Variants in CTIF observed in about 807,000 individuals in gnomAD.
The protein encoded by CTIF is CBP80/20-dependent translation initiation factor.
Under a neutral mutation model 66.0 loss-of-function variants are expected in CTIF, and 21 were observed. The observed-to-expected ratio is 0.32, with a 90% confidence interval of 0.23 to 0.46. CTIF has a LOEUF of 0.46. CTIF is among the 20% of genes least tolerant of loss of function. CTIF has a pLI of 1.00. For synonymous variants in CTIF, 345 were observed against 326.4 expected, an observed-to-expected ratio of 1.06 and a Z score of -0.62; for missense variants, 739 against 812.7, an observed-to-expected ratio of 0.91 and a Z score of 1.10.
chr18:48,736,274 C>CT (rs2092502073), intron 7 of CTIF, among the ~76,000 whole-genome samples: 1 of 152,066 alleles, frequency 6.6e-6, no homozygotes, highest in African/African-American at 2.4e-5. Context: ...AGGTGAAGGG[C>CT]TTGAGTGAAT....
At chr18:48,667,092 C>T (rs982355447) in intron 5 of CTIF, among the ~76,000 whole-genome samples, 11 of 151,558 alleles carry the variant, frequency 7.3e-5, no homozygotes, top group Admixed American at 6.6e-4. Context: ...GACACACACA[C>T]ACACACACAC....
At chr18:48,557,387 C>T (rs561586232) in intron 1 of CTIF, among the ~76,000 whole-genome samples, 1 of 152,170 alleles carries the variant, frequency 6.6e-6, no homozygotes, top group African/African-American at 2.4e-5. Flanking sequence ...AACCAGGAAC[C>T]TTCCCTGGAG....
At chr18:48,839,274 C>T (rs1374378537) in intron 10 of CTIF, among the ~76,000 whole-genome samples, 3 of 152,094 alleles carry the variant, frequency 2.0e-5, no homozygotes, top group Non-Finnish European at 4.4e-5. Flanking sequence ...CTGTGGTGTC[C>T]TTCCCTCTCT....
intron 1 of CTIF, among the ~76,000 whole-genome samples, chr18:48,605,489 G>A (rs568831390): frequency 1.2e-4 from 18 of 152,296 alleles, no homozygotes; most frequent in African/African-American, 3.6e-4. Flanking sequence ...TGCTCCCTGC[G>A]GTTGTATCTG....
At chr18:48,784,501 CT>C (rs1254156448) in intron 9 of CTIF, among the ~76,000 whole-genome samples, 1 of 152,134 alleles carries the variant, frequency 6.6e-6, no homozygotes, top group African/African-American at 2.4e-5. Flanking sequence ...GGACCATACC[CT>C]TTGGTCTCTG....
chr18:48,766,115 C>T (rs1386326714), intron 9 of CTIF, among the ~76,000 whole-genome samples: 1 of 121,010 alleles, frequency 8.3e-6, no homozygotes, highest in Non-Finnish European at 1.6e-5. Flanking sequence ...CCCCCCACCC[C>T]ACAACAAAAC....
chr18:48,572,942 A>G (rs923569508), intron 1 of CTIF, among the ~76,000 whole-genome samples: 4 of 152,176 alleles, frequency 2.6e-5, no homozygotes, highest in Non-Finnish European at 5.9e-5. Flanking sequence ...GCAGTGAGTC[A>G]TGATCATACC....
Position 48,670,116 on chromosome 18 carries a change from C to T in CTIF, c.432-553C>T, listed in dbSNP as rs1014045026. 2.1e-4 allele frequency among the ~76,000 whole-genome samples: 32 copies of T among 151,798 alleles called. 1 individual carries two copies. Among genetic ancestry groups the T allele is most frequent in the Admixed American group, 1.4e-3 (21 of 15,256 alleles). ...TCGGAATCTGCACCCTTAAATATGC[C>T]AAAGATTCAGACCTCTGGCCAGGGA... On this transcript the variant is annotated intron_variant, in intron 5 of 11. Coordinates refer to ENST00000256413, the MANE Select transcript of CTIF (RefSeq NM_014772.3).
chr18:48,750,648 G>T (rs1907712511), intron 7 of CTIF, among the ~76,000 whole-genome samples: 1 of 152,214 alleles, frequency 6.6e-6, no homozygotes, highest in Admixed American at 6.5e-5. Context: ...AGACGCAGTG[G>T]AGCCAAGGCT....
At chr18:48,711,994 A>C (rs991394490) in intron 7 of CTIF, among the ~76,000 whole-genome samples, 16 of 152,260 alleles carry the variant, frequency 1.1e-4, no homozygotes, top group African/African-American at 3.9e-4. Context: ...CAGGAGGAAA[A>C]ATGCTGTTTC....
intron 6 of CTIF, among the ~76,000 whole-genome samples, chr18:48,679,174 C>A (rs1157257983): frequency 6.6e-6 from 1 of 152,246 alleles, no homozygotes; most frequent in African/African-American, 2.4e-5. Context: ...AAGAGCCCTT[C>A]TGCTTTGCAC....
At chr18:48,795,960 A>G (rs944323070) in intron 9 of CTIF, among the ~76,000 whole-genome samples, 2 of 152,172 alleles carry the variant, frequency 1.3e-5, no homozygotes, top group African/African-American at 4.8e-5. Context: ...AGGTCAGGAC[A>G]GGGAAGAGAA....
At chr18:48,544,349 C>T (rs1254766251) in intron 1 of CTIF, among the ~76,000 whole-genome samples, 1 of 152,222 alleles carries the variant, frequency 6.6e-6, no homozygotes, top group Non-Finnish European at 1.5e-5. Context: ...GAAGCTGAGC[C>T]TTCATGGTTA....
chr18:48,680,636 A>C (rs899671981), intron 6 of CTIF, among the ~76,000 whole-genome samples: 3 of 152,222 alleles, frequency 2.0e-5, no homozygotes, highest in Admixed American at 1.3e-4. Context: ...CCTGTCCTTC[A>C]GCAGTTTCCA....
At position 48,687,606 on chromosome 18, in the gene CTIF, C is replaced by T. The variant is rs1157533932; in HGVS notation, c.507+16862C>T. Among the ~76,000 whole-genome samples the T allele has an allele frequency of 3.3e-5, 5 of 152,312 alleles. No homozygotes were observed. In the East Asian group the frequency reaches 5.8e-4, roughly 18 times the overall value. On this transcript the variant is annotated intron_variant, in intron 6 of 11. Coordinates refer to ENST00000256413, the MANE Select transcript of CTIF (RefSeq NM_014772.3). ...GAAAGACTCTTCCTCAGCAAGCCTC[C>T]AGAGCCCTGGGAGCAGGGCTCTTGT...
At chr18:48,785,215 C>T (rs1237152707) in intron 9 of CTIF, among the ~76,000 whole-genome samples, 1 of 152,128 alleles carries the variant, frequency 6.6e-6, no homozygotes, top group African/African-American at 2.4e-5. Flanking sequence ...TGAAGAAAAG[C>T]TCACAGAAAG....
chr18:48,745,596 C>G (rs1478683877), intron 7 of CTIF, among the ~76,000 whole-genome samples: 1 of 152,158 alleles, frequency 6.6e-6, no homozygotes, highest in Non-Finnish European at 1.5e-5. Flanking sequence ...AAGGGAAAGC[C>G]TTTCATTGAC....
At chr18:48,602,536 T>C (rs1344656209) in intron 1 of CTIF, among the ~76,000 whole-genome samples, 1 of 152,246 alleles carries the variant, frequency 6.6e-6, no homozygotes. Flanking sequence ...TTACAGTTGA[T>C]GACTTTGCTT....
intron 9 of CTIF, among the ~76,000 whole-genome samples, chr18:48,805,943 G>A (rs72913749): frequency 7.0e-4 from 107 of 152,286 alleles, no homozygotes; most frequent in Non-Finnish European, 1.4e-3. Context: ...CCATTCCAGG[G>A]GACATGAAGA....
Sources: gnomAD v4.1 joint callset for allele counts (sites outside exome capture counted in the v4.1 genomes callset) on GRCh38, gnomAD v4.1.1 for gene constraint, MANE v1.5 for transcripts, NCBI Gene and HGNC (gene_info 2026-07-23, HGNC 2026-07-21) for gene names.